The following TRIP4 variants were observed in gnomAD, a reference collection of about 807,000 sequenced individuals.
TRIP4 encodes the protein activating signal cointegrator 1.
TRIP4 carries 54 observed loss-of-function variants against 81.8 expected under a neutral mutation model. The ratio of observed to expected loss-of-function variants is 0.66; its 90% CI spans 0.53 to 0.83. The LOEUF (loss-of-function observed/expected upper bound fraction) is 0.83, where lower values mean the gene tolerates loss of function less well. Ranked by LOEUF, TRIP4 falls within the 40% of genes least tolerant of loss-of-function variation. TRIP4 has a pLI of 0.00. For missense variants in TRIP4, 662 were observed against 683.6 expected (o/e 0.97, Z 0.35); for synonymous variants, 270 against 242.8 (o/e 1.11, Z -1.04).
intron 11 of TRIP4, among the ~76,000 whole-genome samples, chr15:64,444,245 A>G (rs551109724): frequency 6.6e-6 from 1 of 152,320 alleles, no homozygotes; most frequent in East Asian, 1.9e-4. Context: ...AGACATAGTA[A>G]GATAGGAAAT....
At chr15:64,414,060 G>T in intron 7 of TRIP4, 25 bp from the exon 8 acceptor site, 1 of 1,611,492 alleles carries the variant, frequency 6.2e-7, no homozygotes, top group Non-Finnish European at 8.5e-7. Context: ...ACCAATTGTT[G>T]CATCCTTTTG....
In TRIP4 at chr15:64,414,077, T is replaced by G; in HGVS notation, c.1044-8T>G. ...CAATTGTTGCATCCTTTTGGTTTAT[T>G]ATCACAGACTAGATGAGACAATACA... On this transcript the variant is annotated splice_region_variant and splice_polypyrimidine_tract_variant and intron_variant, in intron 7 of 12. Coordinates refer to ENST00000261884, the MANE Select transcript of TRIP4 (RefSeq NM_016213.5). 1.9e-6 allele frequency: 3 copies of G among 1,613,514 alleles called. No homozygotes were observed. The highest frequency in any genetic ancestry group is 2.5e-6 in the Non-Finnish European group (3 of 1,179,712).
chr15:64,415,444 G>C (rs1891873349), intron 8 of TRIP4, among the ~76,000 whole-genome samples: 2 of 152,174 alleles, frequency 1.3e-5, no homozygotes, highest in African/African-American at 2.4e-5. Context: ...GAGGCTAAAA[G>C]CCCGAAATCA....
Position 64,414,114 on chromosome 15 carries a change from A to T in TRIP4, c.1073A>T (p.Asn358Ile). 1 of 1,614,118 alleles carries T rather than the reference A, an allele frequency of 6.2e-7. No homozygotes were observed. Among genetic ancestry groups the T allele is most frequent in the Non-Finnish European group, 8.5e-7 (1 of 1,180,016 alleles). ...RLDETIQAIA[N>I]GTLNQPLTKL... ...GATGAGACAATACAGGCCATTGCCA[A>T]TGGAACCTTGAACCAGCCACTGACC... The change falls in exon 8 of 13, where the codon AAT becomes ATT. Residue 358 changes from asparagine to isoleucine, a missense_variant. Asn to Ile is a moderately radical substitution (Grantham distance 149, BLOSUM62 -3). Coordinates refer to ENST00000261884, the MANE Select transcript of TRIP4 (RefSeq NM_016213.5).
chr15:64,448,041 G>T (rs916743303), intron 12 of TRIP4, among the ~76,000 whole-genome samples: 5 of 152,090 alleles, frequency 3.3e-5, no homozygotes, highest in African/African-American at 7.2e-5. Context: ...CTCTGTTTTG[G>T]TTCTAGCAGT....
intron 11 of TRIP4, among the ~76,000 whole-genome samples, chr15:64,434,489 CAT>C (rs1459169965): frequency 1.3e-5 from 2 of 151,368 alleles, no homozygotes; most frequent in East Asian, 3.9e-4. Context: ...AAATGATAGA[CAT>C]ATCAGTTGTG....
chr15:64,410,612 A>T (rs1044366525), intron 7 of TRIP4, among the ~76,000 whole-genome samples: 1 of 152,212 alleles, frequency 6.6e-6, no homozygotes, highest in African/African-American at 2.4e-5. Context: ...AGAGTTAAAT[A>T]TAAACAATAT....
At position 64,435,542 on chromosome 15, in the gene TRIP4, AT is replaced by A. The variant is rs1170903737; in HGVS notation, c.1576-9463del. Among the ~76,000 whole-genome samples the A allele has an allele frequency of 8.3e-4, 109 of 131,378 alleles. 1 individual carries two copies. The highest frequency in any genetic ancestry group is 1.5e-3 in the African/African-American group (50 of 32,970). 86.2% of individuals were successfully genotyped at this position (131,378 alleles called of 152,430 possible). A position where few individuals can be genotyped will look rare whatever the true frequency, so the allele number is the denominator to read the frequency against. ...CTCTGTCTCAAAAAAAAAAAAAAAA[AT>A]ATTATTATTGCTTAGGATATTATAT... On this transcript the variant is annotated intron_variant, in intron 11 of 12. Transcript: ENST00000261884.
At chr15:64,403,260 G>A (rs1396581346) in intron 5 of TRIP4, among the ~76,000 whole-genome samples, 1 of 151,930 alleles carries the variant, frequency 6.6e-6, no homozygotes. Flanking sequence ...GGGTTCAAGC[G>A]ATTCTCCTGC....
intron 12 of TRIP4, among the ~76,000 whole-genome samples, chr15:64,446,008 C>G (rs1892624558): frequency 6.6e-6 from 1 of 152,082 alleles, no homozygotes; most frequent in Non-Finnish European, 1.5e-5. Context: ...CATGGTGGCT[C>G]ATGCCTATAA....
At chr15:64,412,648 T>TATTATATTGA (rs1355238306) in intron 7 of TRIP4, among the ~76,000 whole-genome samples, 1 of 151,636 alleles carries the variant, frequency 6.6e-6, no homozygotes. Context: ...AACAAACATA[T>TATTATATTGA]ATTGAATTGA....
intron 11 of TRIP4, among the ~76,000 whole-genome samples, chr15:64,427,022 T>G (rs1168263010): frequency 6.6e-6 from 1 of 151,684 alleles, no homozygotes. Flanking sequence ...AAAAAAAGAT[T>G]GAACTGATGT....
At chr15:64,396,857 T>C (rs1453257498) in intron 3 of TRIP4, among the ~76,000 whole-genome samples, 2 of 152,252 alleles carry the variant, frequency 1.3e-5, no homozygotes, top group South Asian at 2.1e-4. Context: ...TTTGCAGTCC[T>C]GCCAGCAGTG....
chr15:64,388,171 C>T, intron 1 of TRIP4: 1 of 914,516 alleles, frequency 1.1e-6, no homozygotes, highest in Non-Finnish European at 1.5e-6. Context: ...GCCGGTCGGG[C>T]TTTTTTCCTG....
intron 8 of TRIP4, among the ~76,000 whole-genome samples, chr15:64,417,716 G>A (rs1891919097): frequency 6.6e-6 from 1 of 152,094 alleles, no homozygotes; most frequent in Non-Finnish European, 1.5e-5. Flanking sequence ...TCATTTCAGG[G>A]TAAGAGAATA....
At position 64,447,661 on chromosome 15, in the gene TRIP4, C is replaced by T. The variant is rs75034258; in HGVS notation, c.1678+2553C>T. Among the ~76,000 whole-genome samples, 1,166 of 152,312 alleles carry T rather than the reference C, an allele frequency of 7.7e-3. 3 individuals carry two copies. Among genetic ancestry groups the T allele is most frequent in the Middle Eastern group, 0.017 (5 of 294 alleles). On this transcript the variant is annotated intron_variant, in intron 12 of 12. Coordinates refer to ENST00000261884, the MANE Select transcript of TRIP4 (RefSeq NM_016213.5). Reference sequence around the variant, plus strand: ...CACAAATTATTTACTTCAGACGGTACTCCAGTTGGTGGCCCAGTAGCCCTG... The same window carrying T: ...CACAAATTATTTACTTCAGACGGTATTCCAGTTGGTGGCCCAGTAGCCCTG...
rs1900334400 is a variant in TRIP4, at chr15:64,397,698, T to G, written c.498T>G (p.Pro166=). The change falls in exon 4 of 13, where the codon CCT becomes CCG. Residue 166 remains proline (P), a synonymous_variant. Transcript: ENST00000261884. ...AGGACAGGCTTGCAGTCCTGCTCCC[T>G]GGTCGTCACCCTTGTGATTGCCTGG... The part of the protein sequence containing the change: ...EGQDRLAVLL[P]GRHPCDCLGQ... The G allele has an allele frequency of 1.9e-6, 3 of 1,614,130 alleles. No individual in the cohort carries two copies. The African/African-American group carries it at 4.0e-5, about 22-fold the overall frequency.
At chr15:64,431,934 T>G (rs1360459171) in intron 11 of TRIP4, among the ~76,000 whole-genome samples, 2 of 127,674 alleles carry the variant, frequency 1.6e-5, no homozygotes, top group Non-Finnish European at 3.2e-5. Context: ...TCCAGGGTGG[T>G]GGAGTGCAGT....
chr15:64,435,045 G>C (rs764282240), intron 11 of TRIP4, among the ~76,000 whole-genome samples: 1 of 150,198 alleles, frequency 6.7e-6, no homozygotes, highest in African/African-American at 2.5e-5. Context: ...GTGAAACCCC[G>C]TCTCTACAAA....
Sources: allele counts gnomAD v4.1 joint callset (sites outside exome capture counted in the v4.1 genomes callset), GRCh38; gene constraint gnomAD v4.1.1; transcripts MANE v1.5; gene names NCBI Gene and HGNC (gene_info 2026-07-23, HGNC 2026-07-21).